MPPED2: variants seen among roughly 807,000 people sequenced by gnomAD.
The protein encoded by MPPED2 is metallophosphoesterase MPPED2.
MPPED2 carries 5 observed loss-of-function variants against 33.0 expected under a neutral mutation model. The observed-to-expected ratio is 0.15, with a 90% CI of 0.08 to 0.32. The LOEUF (loss-of-function observed/expected upper bound fraction) is 0.32. Among genes scored for constraint, MPPED2 ranks in the 10% least tolerant of loss-of-function variants. MPPED2 has a pLI of 1.00. For synonymous variants in MPPED2, 136 were observed against 141.9 expected, an observed-to-expected ratio of 0.96 and a Z score of 0.29; for missense variants, 275 against 372.1, an observed-to-expected ratio of 0.74 and a Z score of 2.15.
rs530164674 is a variant in MPPED2 at position 30,450,087 on chromosome 11, A to T, written c.537-32454T>A. On this transcript the variant is annotated intron_variant, in intron 4 of 6. Transcript: ENST00000358117. The stretch of plus-strand genomic sequence containing the variant: ...TGTTTTTTCTCCTACTAACCTTTCT[A>T]GTGTCTTTTGAATTCACAGGCGCCA... 2.6e-5 allele frequency among the ~76,000 whole-genome samples: 4 copies of T among 152,266 alleles called. No homozygotes were observed. The East Asian group carries it at 7.7e-4, about 29-fold the overall frequency.
intron 3 of MPPED2, 46 bp from the exon 4 acceptor site, chr11:30,495,567 C>T: frequency 7.0e-7 from 1 of 1,418,500 alleles, no homozygotes; most frequent in Non-Finnish European, 9.9e-7. Context: ...CATTTCCCAT[C>T]ACAAAGTACA....
At chr11:30,517,468 G>A (rs887610945) in intron 3 of MPPED2, among the ~76,000 whole-genome samples, 4 of 152,104 alleles carry the variant, frequency 2.6e-5, no homozygotes, top group South Asian at 2.1e-4. Context: ...CAATATTGAG[G>A]AGCTTTGTTA....
At chr11:30,543,079 A>C (rs1426779881) in intron 2 of MPPED2, among the ~76,000 whole-genome samples, 3 of 152,200 alleles carry the variant, frequency 2.0e-5, no homozygotes, top group Non-Finnish European at 4.4e-5. Flanking sequence ...AAACTAAATA[A>C]GTCTCCTAAG....
intron 2 of MPPED2, among the ~76,000 whole-genome samples, chr11:30,545,177 G>T (rs1955344681): frequency 1.3e-5 from 2 of 152,144 alleles, no homozygotes; most frequent in Admixed American, 1.3e-4. Flanking sequence ...GAGGAACAGA[G>T]GGCCACAGGG....
At chr11:30,566,749 G>A (rs547201402) in intron 2 of MPPED2, among the ~76,000 whole-genome samples, 19 of 152,182 alleles carry the variant, frequency 1.2e-4, no homozygotes, top group South Asian at 2.1e-4. Flanking sequence ...TAAATAAAAC[G>A]AAAAAGATAA....
At chr11:30,550,950 C>T (rs1368016604) in intron 2 of MPPED2, among the ~76,000 whole-genome samples, 1 of 152,210 alleles carries the variant, frequency 6.6e-6, no homozygotes, top group Non-Finnish European at 1.5e-5. Flanking sequence ...CCCCTCTGAC[C>T]TGCCTGCTAT....
chr11:30,418,424 G>A (rs1230135857), intron 4 of MPPED2, among the ~76,000 whole-genome samples: 5 of 152,162 alleles, frequency 3.3e-5, no homozygotes, highest in African/African-American at 1.2e-4. Flanking sequence ...ATTTCTGATC[G>A]GTGCTGAAAA....
At chr11:30,479,099 T>C (rs983269183) in intron 4 of MPPED2, among the ~76,000 whole-genome samples, 6 of 152,096 alleles carry the variant, frequency 3.9e-5, no homozygotes, top group Non-Finnish European at 8.8e-5. Context: ...TCCCTGGTCT[T>C]CTTATCCTAA....
chr11:30,527,219 C>T (rs538706922), intron 3 of MPPED2, among the ~76,000 whole-genome samples: 24 of 152,172 alleles, frequency 1.6e-4, no homozygotes, highest in African/African-American at 5.5e-4. Context: ...TGTGAGCCAC[C>T]GCGCCCGGCC....
At chr11:30,450,926 T>C (rs961432579) in intron 4 of MPPED2, among the ~76,000 whole-genome samples, 1 of 152,200 alleles carries the variant, frequency 6.6e-6, no homozygotes, top group African/African-American at 2.4e-5. Flanking sequence ...TCTCATAGGC[T>C]CTCTGGCTTC....
intron 4 of MPPED2, among the ~76,000 whole-genome samples, chr11:30,478,127 T>C (rs1951307421): frequency 6.6e-6 from 1 of 152,046 alleles, no homozygotes; most frequent in Non-Finnish European, 1.5e-5. Context: ...TCATTGGAGT[T>C]GCTTCCTCTA....
At chr11:30,500,146 G>A (rs902784731) in intron 3 of MPPED2, among the ~76,000 whole-genome samples, 13 of 152,110 alleles carry the variant, frequency 8.5e-5, no homozygotes, top group South Asian at 2.1e-4. Context: ...TTCCAAAAGC[G>A]TCCCTGGAAT....
intron 4 of MPPED2, among the ~76,000 whole-genome samples, chr11:30,481,241 G>A (rs1951473242): frequency 6.6e-6 from 1 of 151,906 alleles, no homozygotes; most frequent in Non-Finnish European, 1.5e-5. Flanking sequence ...CAACTGCACC[G>A]TGCAGTTTAT....
intron 2 of MPPED2, among the ~76,000 whole-genome samples, chr11:30,574,305 T>C (rs1358766131): frequency 1.3e-5 from 2 of 152,188 alleles, no homozygotes; most frequent in Non-Finnish European, 2.9e-5. Flanking sequence ...GTTATTATTG[T>C]GTTACAATGG....
chr11:30,432,240 T>C (rs1004906448), intron 4 of MPPED2, among the ~76,000 whole-genome samples: 3 of 152,052 alleles, frequency 2.0e-5, no homozygotes, highest in Non-Finnish European at 4.4e-5. Context: ...ACCAGGTCAA[T>C]TGCTTTGTTG....
At chr11:30,553,058 A>T (rs572087862) in intron 2 of MPPED2, among the ~76,000 whole-genome samples, 1 of 151,960 alleles carries the variant, frequency 6.6e-6, no homozygotes, top group African/African-American at 2.4e-5. Context: ...GAGCACAAAC[A>T]CCTCCCACCC....
chr11:30,546,124 C>T (rs10835687), intron 2 of MPPED2, among the ~76,000 whole-genome samples: 26,993 of 152,196 alleles, frequency 0.18, 3,020 homozygotes, highest in Non-Finnish European at 0.25. Flanking sequence ...CCGGCCACAA[C>T]TGATTCTTAA....
chr11:30,521,960 T>C (rs1351527529), intron 3 of MPPED2, among the ~76,000 whole-genome samples: 1 of 152,196 alleles, frequency 6.6e-6, no homozygotes, highest in Non-Finnish European at 1.5e-5. Context: ...GTTTGCAAAA[T>C]ACACACCTAG....
intron 2 of MPPED2, among the ~76,000 whole-genome samples, chr11:30,548,277 G>A (rs1364251998): frequency 2.6e-5 from 4 of 151,532 alleles, no homozygotes; most frequent in Non-Finnish European, 4.4e-5. Flanking sequence ...GTAAAGGTGC[G>A]ATCATAGCTC....
Sources: gnomAD v4.1 joint callset for allele counts (sites outside exome capture counted in the v4.1 genomes callset) on GRCh38, gnomAD v4.1.1 for gene constraint, MANE v1.5 for transcripts, NCBI Gene and HGNC (gene_info 2026-07-23, HGNC 2026-07-21) for gene names.